Variants in KAZN observed in about 807,000 individuals in gnomAD.
KAZN encodes kazrin.
KAZN carries 40 observed loss-of-function variants against 87.4 expected under a neutral mutation model. The observed-to-expected ratio is 0.46, with a 90% CI of 0.36 to 0.60. The LOEUF is 0.60. Among genes scored for constraint, KAZN ranks in the 20% least tolerant of loss-of-function variants. The pLI, the probability that KAZN is intolerant of heterozygous loss-of-function variation, is 0.00. For synonymous variants in KAZN, 466 were observed against 458.3 expected (o/e 1.02, Z -0.22); for missense variants, 898 against 1,073.9 (o/e 0.84, Z 2.29).
At chr1:14,188,510 G>A (rs537021737) in intron 2 of KAZN, among the ~76,000 whole-genome samples, 2 of 152,204 alleles carry the variant, frequency 1.3e-5, no homozygotes, top group South Asian at 4.1e-4. Flanking sequence ...GGGACATAGA[G>A]ACACACACAA....
At chr1:14,682,435 A>T (rs1170508127) in intron 1 of KAZN, among the ~76,000 whole-genome samples, 1 of 151,882 alleles carries the variant, frequency 6.6e-6, no homozygotes, top group Non-Finnish European at 1.5e-5. Context: ...CCACAGGCAT[A>T]TACCACCATG....
chr1:14,549,071 AT>A (rs1252371168), intron 2 of KAZN, among the ~76,000 whole-genome samples: 1 of 152,188 alleles, frequency 6.6e-6, no homozygotes, highest in Non-Finnish European at 1.5e-5. Context: ...AAGGCAGTTG[AT>A]TTTGGTATAC....
chr1:14,484,579 A>G (rs1035703119), intron 2 of KAZN, among the ~76,000 whole-genome samples: 1 of 152,252 alleles, frequency 6.6e-6, no homozygotes, highest in Non-Finnish European at 1.5e-5. Flanking sequence ...ATAGTGCTGC[A>G]TAACAAACAA....
chr1:15,029,305 C>A (rs1018394123), intron 2 of KAZN, among the ~76,000 whole-genome samples: 83 of 152,208 alleles, frequency 5.5e-4, no homozygotes, highest in African/African-American at 2.0e-3. Flanking sequence ...TCACTCCTGT[C>A]CTCACAGCAG....
intron 2 of KAZN, among the ~76,000 whole-genome samples, chr1:14,961,349 G>A (rs1211824826): frequency 6.6e-6 from 1 of 152,230 alleles, no homozygotes; most frequent in Non-Finnish European, 1.5e-5. Flanking sequence ...ATGACATGGT[G>A]TAGTGTCCAG....
intron 1 of KAZN, among the ~76,000 whole-genome samples, chr1:13,968,503 T>C (rs1033628555): frequency 6.6e-6 from 1 of 152,158 alleles, no homozygotes; most frequent in Non-Finnish European, 1.5e-5. Flanking sequence ...TCTTACTCCT[T>C]CCCTGCAAAA....
chr1:14,770,991 A>G (rs925961677), intron 1 of KAZN, among the ~76,000 whole-genome samples: 2 of 152,158 alleles, frequency 1.3e-5, no homozygotes, highest in African/African-American at 4.8e-5. Flanking sequence ...TCCCATGTTC[A>G]GTTGAGCTCA....
chr1:14,143,327 T>A (rs1163839907), intron 1 of KAZN, among the ~76,000 whole-genome samples: 2 of 152,198 alleles, frequency 1.3e-5, no homozygotes, highest in Non-Finnish European at 2.9e-5. Flanking sequence ...TAGGAAGTCC[T>A]CCTCCCCACT....
intron 1 of KAZN, among the ~76,000 whole-genome samples, chr1:14,115,422 A>G (rs368702873): frequency 1.3e-5 from 2 of 152,130 alleles, no homozygotes; most frequent in African/African-American, 2.4e-5. Flanking sequence ...TGCTGTTCTC[A>G]TGATAGTGAA....
chr1:14,836,741 C>T (rs1186631181), intron 1 of KAZN, among the ~76,000 whole-genome samples: 1 of 152,164 alleles, frequency 6.6e-6, no homozygotes, highest in East Asian at 1.9e-4. Flanking sequence ...GGGGGTGTCT[C>T]AGCATGGATT....
At chr1:13,933,709 A>C (rs1442825634) in intron 1 of KAZN, among the ~76,000 whole-genome samples, 2 of 152,194 alleles carry the variant, frequency 1.3e-5, no homozygotes, top group Admixed American at 6.5e-5. Flanking sequence ...ATAATAGCAA[A>C]TCATTCATCG....
chr1:14,615,709 G>A (rs1180294513), intron 1 of KAZN, among the ~76,000 whole-genome samples: 2 of 151,924 alleles, frequency 1.3e-5, no homozygotes, highest in African/African-American at 2.4e-5. Flanking sequence ...TATGGCCAAC[G>A]TGTAGGCTGT....
chr1:14,478,381 T>C (rs1668889201), intron 2 of KAZN, among the ~76,000 whole-genome samples: 1 of 152,046 alleles, frequency 6.6e-6, no homozygotes, highest in South Asian at 2.1e-4. Context: ...TGAATCTATC[T>C]AGGTGGATGG....
At chr1:14,675,754 A>G in intron 1 of KAZN, among the ~76,000 whole-genome samples, 1 of 152,202 alleles carries the variant, frequency 6.6e-6, no homozygotes, top group Non-Finnish European at 1.5e-5. Flanking sequence ...AAGTAAAAGT[A>G]CGTGCTCAAT....
intron 1 of KAZN, among the ~76,000 whole-genome samples, chr1:13,948,428 A>G (rs1470492008): frequency 4.6e-5 from 7 of 152,158 alleles, no homozygotes; most frequent in Non-Finnish European, 2.9e-5. Context: ...CTGCCACCCT[A>G]TGAAGAGATG....
chr1:14,761,324 TC>T (rs1320566142), intron 1 of KAZN, among the ~76,000 whole-genome samples: 1 of 152,198 alleles, frequency 6.6e-6, no homozygotes, highest in African/African-American at 2.4e-5. Context: ...AGCCTGCAGA[TC>T]TACTATGTCT....
At chr1:14,295,385 C>T (rs1289717934) in intron 2 of KAZN, among the ~76,000 whole-genome samples, 1 of 152,170 alleles carries the variant, frequency 6.6e-6, no homozygotes, top group East Asian at 1.9e-4. Flanking sequence ...TGGACCCTCC[C>T]AGCTTCTCCC....
intron 1 of KAZN, among the ~76,000 whole-genome samples, chr1:14,651,581 A>G (rs1638377834): frequency 6.6e-6 from 1 of 152,172 alleles, no homozygotes; most frequent in Non-Finnish European, 1.5e-5. Context: ...ACAAGCAGGA[A>G]TCACCTGGTA....
chr1:14,461,497 G>C (rs533812582), intron 2 of KAZN, among the ~76,000 whole-genome samples: 1 of 152,286 alleles, frequency 6.6e-6, no homozygotes, highest in East Asian at 1.9e-4. Context: ...CAGCCACATG[G>C]AACTGTGAGT....
Sources: gnomAD v4.1 joint callset for allele counts (sites outside exome capture counted in the v4.1 genomes callset) on GRCh38, gnomAD v4.1.1 for gene constraint, MANE v1.5 for transcripts, NCBI Gene and HGNC (gene_info 2026-07-23, HGNC 2026-07-21) for gene names.